Variants in TAOK1 observed in about 807,000 individuals in gnomAD.
TAOK1 encodes the protein TAO kinase 1.
A neutral mutation model predicts 138.3 loss-of-function variants in TAOK1; 21 were observed. The observed-to-expected ratio is 0.15, with a 90% CI of 0.11 to 0.22. TAOK1 has a LOEUF of 0.22. Among genes scored for constraint, TAOK1 ranks in the 10% least tolerant of loss-of-function variants. TAOK1 has a pLI of 1.00. For missense variants in TAOK1, 651 were observed against 1,227.7 expected, an observed-to-expected ratio of 0.53 and a Z score of 7.02; for synonymous variants, 361 against 398.4, an observed-to-expected ratio of 0.91 and a Z score of 1.12.
chr17:29,550,888 T>C lies in TAOK1; in HGVS notation c.*7866T>C, dbSNP rs2032480931. The C allele has an allele frequency of 6.6e-6, 1 of 152,608 alleles. No individual in the cohort carries two copies. Among genetic ancestry groups the C allele is most frequent in the Admixed American group, 6.5e-5 (1 of 15,286 alleles). The allele number at this position is 152,608 out of a possible 1,614,324, so 9.5% of individuals were successfully genotyped here. A position where few individuals can be genotyped will look rare whatever the true frequency, so the allele number is the denominator to read the frequency against. ...CTCTTCCTTTCTACTAACTCCTTCC[T>C]TAAAGGCCATATCACTCCATTTGCA... On this transcript the variant is annotated 3_prime_UTR_variant, in exon 20 of 20. Coordinates refer to ENST00000261716, the MANE Select transcript of TAOK1 (RefSeq NM_020791.4).
At chr17:29,517,911 A>C (rs149208554) in intron 16 of TAOK1, among the ~76,000 whole-genome samples, 371 of 152,140 alleles carry the variant, frequency 2.4e-3, no homozygotes, top group African/African-American at 8.5e-3. Flanking sequence ...TATGGAGTGC[A>C]GTGGCTCCAT....
rs2032379057 is a variant in TAOK1 at position 29,545,017 on chromosome 17, G to A, written c.*1995G>A. The A allele has an allele frequency of 6.6e-6, 1 of 152,168 alleles. No individual in the cohort carries two copies. Among genetic ancestry groups the A allele is most frequent in the Non-Finnish European group, 1.5e-5 (1 of 68,032 alleles). The allele number at this position is 152,168 out of a possible 1,614,324, so 9.4% of individuals were successfully genotyped here. ...TTCTGGGATTCATTTTAAGGAAACT[G>A]GAAGAAAATTAATGTTTTAATGTAA... On this transcript the variant is annotated 3_prime_UTR_variant, in exon 20 of 20. Transcript: ENST00000261716.
chr17:29,394,817 G>A (rs1904546595), intron 1 of TAOK1, among the ~76,000 whole-genome samples: 1 of 152,200 alleles, frequency 6.6e-6, no homozygotes, highest in Admixed American at 6.5e-5. Flanking sequence ...TTTCTGGGCT[G>A]GGCAAAGTGG....
At chr17:29,497,265 A>G (rs1376533347) in intron 11 of TAOK1, among the ~76,000 whole-genome samples, 1 of 152,110 alleles carries the variant, frequency 6.6e-6, no homozygotes, top group African/African-American at 2.4e-5. Context: ...TCACTAAATA[A>G]ATAATGAACT....
At chr17:29,423,094 A>ATT (rs558717390) in intron 1 of TAOK1, among the ~76,000 whole-genome samples, 15 of 88,486 alleles carry the variant, frequency 1.7e-4, no homozygotes, top group East Asian at 6.5e-4. Flanking sequence ...TTTTTCCCCC[A>ATT]TTTTTTTTTT....
intron 2 of TAOK1, among the ~76,000 whole-genome samples, chr17:29,458,394 G>T (rs2030445531): frequency 6.6e-6 from 1 of 152,226 alleles, no homozygotes; most frequent in Non-Finnish European, 1.5e-5. Context: ...CAGTGTATGA[G>T]AATTTGGTTT....
chr17:29,465,674 G>A (rs1329395592), intron 2 of TAOK1, among the ~76,000 whole-genome samples: 3 of 151,972 alleles, frequency 2.0e-5, no homozygotes, highest in Non-Finnish European at 4.4e-5. Context: ...AATTGAAAAC[G>A]AGTTCTTGCA....
chr17:29,495,553 T>C lies in TAOK1; in HGVS notation c.832-7T>C, dbSNP rs1043334885. On this transcript the variant is annotated splice_polypyrimidine_tract_variant and splice_region_variant and intron_variant, in intron 10 of 19. Transcript: ENST00000261716. ...AAAATCAACCTTTTACCTTCTACCC[T>C]ATCTAGCACATATTTGTTCTTCGGG... is the stretch of plus-strand genomic sequence containing the variant. 1 of 1,567,778 alleles carries C rather than the reference T, an allele frequency of 6.4e-7. No individual in the cohort carries two copies.
chr17:29,454,303 C>A (rs537128725), intron 2 of TAOK1, among the ~76,000 whole-genome samples: 1 of 152,250 alleles, frequency 6.6e-6, no homozygotes, highest in East Asian at 1.9e-4. Context: ...CAGTACCACA[C>A]CGTTTTGATG....
chr17:29,523,994 A>G (rs1351208152), intron 17 of TAOK1, among the ~76,000 whole-genome samples: 3 of 152,220 alleles, frequency 2.0e-5, no homozygotes, highest in Non-Finnish European at 4.4e-5. Flanking sequence ...GGTATTCCCA[A>G]TGCCCACCCA....
At chr17:29,539,979 C>T (rs961918493) in intron 19 of TAOK1, among the ~76,000 whole-genome samples, 6 of 151,902 alleles carry the variant, frequency 3.9e-5, no homozygotes, top group Admixed American at 2.6e-4. Flanking sequence ...TACTCTATAG[C>T]GGAGGGAAAG....
rs993236196 is a variant in TAOK1, at chr17:29,494,554, C to T, written c.832-1006C>T. ...TTAAGAATTCAAGGATAGCTGGGCG[C>T]GGTGGCTCACACCTGTAATCCCAGC... On this transcript the variant is annotated intron_variant, in intron 10 of 19. Transcript: ENST00000261716. Among the ~76,000 whole-genome samples, 11 of 152,052 alleles carry T rather than the reference C, an allele frequency of 7.2e-5. No individual in the cohort carries two copies. In the East Asian group the frequency reaches 9.7e-4, roughly 13 times the overall value.
intron 19 of TAOK1, among the ~76,000 whole-genome samples, chr17:29,541,630 G>C (rs1452507641): frequency 2.0e-5 from 3 of 150,688 alleles, no homozygotes; most frequent in African/African-American, 7.3e-5. Flanking sequence ...ACAAAAATTA[G>C]CTGGATGTGG....
chr17:29,468,755 G>A (rs553583858), intron 3 of TAOK1, among the ~76,000 whole-genome samples: 95 of 151,938 alleles, frequency 6.3e-4, no homozygotes, highest in African/African-American at 2.2e-3. Flanking sequence ...CACCACGTTG[G>A]CCAGGCTGGT....
intron 14 of TAOK1, among the ~76,000 whole-genome samples, 185 bp from the exon 15 acceptor site, chr17:29,510,679 C>A (rs569471544): frequency 6.6e-6 from 1 of 152,278 alleles, no homozygotes; most frequent in East Asian, 1.9e-4. Flanking sequence ...CTTACTGATT[C>A]TATGAAGTTC....
At chr17:29,443,533 A>G (rs557336606) in intron 1 of TAOK1, among the ~76,000 whole-genome samples, 1 of 152,324 alleles carries the variant, frequency 6.6e-6, no homozygotes, top group East Asian at 1.9e-4. Context: ...AAAATTATGT[A>G]TGCCTTTCAC....
chr17:29,410,635 G>GT (rs1207404073), intron 1 of TAOK1, among the ~76,000 whole-genome samples: 175 of 136,874 alleles, frequency 1.3e-3, no homozygotes, highest in Middle Eastern at 4.0e-3. Flanking sequence ...TTTTTTTTTG[G>GT]TTTTTTTTTT....
At chr17:29,499,091 A>G (rs1334777442) in intron 12 of TAOK1, among the ~76,000 whole-genome samples, 2 of 152,280 alleles carry the variant, frequency 1.3e-5, no homozygotes, top group African/African-American at 4.8e-5. Flanking sequence ...ATTATTTGAC[A>G]TTATTTACAT....
chr17:29,409,621 C>T (rs1311313293), intron 1 of TAOK1, among the ~76,000 whole-genome samples: 1 of 152,108 alleles, frequency 6.6e-6, no homozygotes. Context: ...GCGTGAGCCA[C>T]CGCACCCAGC....
Sources: allele counts gnomAD v4.1 joint callset (sites outside exome capture counted in the v4.1 genomes callset), GRCh38; gene constraint gnomAD v4.1.1; transcripts MANE v1.5; gene names NCBI Gene and HGNC (gene_info 2026-07-23, HGNC 2026-07-21).